Variants in BCAR1 observed in about 807,000 individuals in gnomAD.
BCAR1 encodes the protein breast cancer anti-estrogen resistance protein 1.
In BCAR1, 30 loss-of-function variants were observed where a neutral mutation model predicts 67.6. The ratio of observed to expected loss-of-function variants is 0.44; its 90% CI spans 0.33 to 0.60. The LOEUF is 0.60. Ranked by LOEUF, BCAR1 falls within the 20% of genes least tolerant of loss-of-function variation. The pLI is 0.02. For missense variants in BCAR1, 1,313 were observed against 1,222.3 expected (o/e 1.07, Z -1.11); for synonymous variants, 626 against 556.7 (o/e 1.12, Z -1.75).
intron 1 of BCAR1, chr16:75,265,348 G>A (rs2151486548): frequency 6.6e-6 from 1 of 152,472 alleles, no homozygotes; most frequent in African/African-American, 2.4e-5. Context: ...AGCGCCGCAG[G>A]GCAGCAATCC....
Position 75,235,316 on chromosome 16 carries a change from T to C in BCAR1, c.1583A>G (p.Asn528Ser), listed in dbSNP as rs776022939. ...GGCACGGTCAGATGTGTGGGCAGCATTGCCCACCGCGCTGCGGGCAAACTC... is the reference window on the plus strand; with the variant it reads ...GGCACGGTCAGATGTGTGGGCAGCACTGCCCACCGCGCTGCGGGCAAACTC... ...LLEFARSAVG[N>S]AAHTSDRALH... The change falls in exon 5 of 7, where the codon AAT becomes AGT. Residue 528 changes from asparagine (N) to serine (S), a missense_variant. This residue lies in a region of BCAR1 where 1,272 missense variants were observed against 1,137.5 expected (regional missense o/e 1.12). Coordinates refer to ENST00000162330, the MANE Select transcript of BCAR1 (RefSeq NM_014567.5). The C allele has an allele frequency of 9.5e-5, 152 of 1,603,562 alleles. No individual in the cohort carries two copies. Among genetic ancestry groups the C allele is most frequent in the Admixed American group, 9.4e-4 (56 of 59,850 alleles).
chr16:75,239,889 G>T (rs2077278234), intron 2 of BCAR1, among the ~76,000 whole-genome samples: 1 of 152,206 alleles, frequency 6.6e-6, no homozygotes, highest in South Asian at 2.1e-4. Flanking sequence ...AGGACCACGT[G>T]CACGCCTGAC....
chr16:75,237,142 T>C (rs2077169676), intron 3 of BCAR1, 41 bp downstream of exon 3: 2 of 1,492,760 alleles, frequency 1.3e-6, no homozygotes, highest in South Asian at 1.4e-5. Flanking sequence ...AGGCACAGAC[T>C]TGCCGCCCTG....
Position 75,229,477 on chromosome 16 carries a change from C to A in BCAR1, c.*34G>T, listed in dbSNP as rs747667974. The stretch of plus-strand genomic sequence containing the variant: ...GAGCCAGGGAGCTGGGACCGCCGCA[C>A]CCCTCCCCTGCCTCCCTCCTGGGGT... On this transcript the variant is annotated 3_prime_UTR_variant, in exon 7 of 7. Transcript: ENST00000162330. 6 of 1,496,686 alleles carry A rather than the reference C, an allele frequency of 4.0e-6. No individual in the cohort carries two copies. The highest frequency in any genetic ancestry group is 4.8e-5 in the East Asian group (2 of 41,274). The allele number at this position is 1,496,686 out of a possible 1,614,324, so 92.7% of individuals were successfully genotyped here.
At position 75,229,241 on chromosome 16, in the gene BCAR1, C is replaced by G; in HGVS notation, c.*270G>C. On this transcript the variant is annotated 3_prime_UTR_variant, in exon 7 of 7. Coordinates refer to ENST00000162330, the MANE Select transcript of BCAR1 (RefSeq NM_014567.5). Reference sequence around the variant, plus strand: ...TCCTGCAGGCTGCAGGACCCTCACACTCCAGCCCCGTCTGGTGACCCAACC... The same window carrying G: ...TCCTGCAGGCTGCAGGACCCTCACAGTCCAGCCCCGTCTGGTGACCCAACC... 1 of 469,150 alleles carries G rather than the reference C, an allele frequency of 2.1e-6. No homozygotes were observed. The highest frequency in any genetic ancestry group is 3.8e-5 in the Admixed American group (1 of 25,986). 29.1% of individuals were successfully genotyped at this position (469,150 alleles called of 1,614,324 possible).
chr16:75,265,321 C>G (rs1045161137), intron 1 of BCAR1: 1 of 152,418 alleles, frequency 6.6e-6, no homozygotes, highest in East Asian at 1.9e-4. Context: ...ACCTGGCCAC[C>G]CCGGGGGAGT....
At chr16:75,239,904 C>T (rs971020259) in intron 2 of BCAR1, among the ~76,000 whole-genome samples, 4 of 152,220 alleles carry the variant, frequency 2.6e-5, no homozygotes, top group South Asian at 2.1e-4. Context: ...CCTGACCTCA[C>T]GCCATGGCTG....
rs771938683 is a variant in BCAR1 at position 75,242,752 on chromosome 16, C to T, written c.351G>A (p.Val117=). 1.8e-5 allele frequency: 28 copies of T among 1,591,106 alleles called. No individual in the cohort carries two copies. In the East Asian group the frequency reaches 6.0e-4, roughly 34 times the overall value. The part of the protein sequence containing the change: ...YQPQPDSVYL[V]PTPSKAQQGL... ...CTTGCTGAGCCTTGCTGGGAGTGGG[C>T]ACCAGGTAGACGCTGTCTGGCTGGG... The change falls in exon 2 of 7, where the codon GTG becomes GTA. Residue 117 remains valine (V), a synonymous_variant. Transcript: ENST00000162330.
Position 75,251,491 on chromosome 16 carries a change from GC to G in BCAR1, c.-10del. 7.2e-7 allele frequency: 1 copy of G among 1,391,672 alleles called. No homozygotes were observed. Among genetic ancestry groups the G allele is most frequent in the Non-Finnish European group, 9.4e-7 (1 of 1,069,080 alleles). The allele number at this position is 1,391,672 out of a possible 1,614,324, so 86.2% of individuals were successfully genotyped here. Reference sequence around the variant, plus strand: ...CTCACCAGGTGGTTCATGGTGTCCGGCGGGCCTGGGGCCCCGGCTCTCGCGG... The same window carrying G: ...CTCACCAGGTGGTTCATGGTGTCCGGGGGCCTGGGGCCCCGGCTCTCGCGG... On this transcript the variant is annotated 5_prime_UTR_variant, in exon 1 of 7. Coordinates refer to ENST00000162330, the MANE Select transcript of BCAR1 (RefSeq NM_014567.5).
At chr16:75,253,729 TG>T (rs1302785988), upstream of BCAR1, among the ~76,000 whole-genome samples, 3 of 152,288 alleles carry the variant, frequency 2.0e-5, no homozygotes, top group African/African-American at 7.2e-5. Flanking sequence ...ACAGTGTTGA[TG>T]GGGATGTAGC....
chr16:75,237,463 G>C (rs528853457), intron 2 of BCAR1, 119 bp from the exon 3 acceptor site: 12 of 1,252,710 alleles, frequency 9.6e-6, no homozygotes, highest in Non-Finnish European at 1.2e-5. Context: ...TGGAAGGGAC[G>C]GGGCTCCCCA....
chr16:75,247,992 C>G, intron 1 of BCAR1: 1 of 995,796 alleles, frequency 1.0e-6, no homozygotes, highest in South Asian at 1.3e-5. Context: ...GGAGGCAGAG[C>G]TCTTTCCCAC....
intron 6 of BCAR1, among the ~76,000 whole-genome samples, chr16:75,231,530 G>A (rs1184531106): frequency 6.6e-6 from 1 of 152,230 alleles, no homozygotes; most frequent in African/African-American, 2.4e-5. Flanking sequence ...GGCAACAGAT[G>A]TTCTCATCAG....
chr16:75,258,742 G>A (rs568916749), intron 1 of BCAR1, among the ~76,000 whole-genome samples: 1 of 152,370 alleles, frequency 6.6e-6, no homozygotes, highest in East Asian at 1.9e-4. Flanking sequence ...TGAAGAGCCA[G>A]TGTGGCCGCA....
At chr16:75,249,167 G>C (rs60879082) in intron 1 of BCAR1, 1 of 152,234 alleles carries the variant, frequency 6.6e-6, no homozygotes, top group East Asian at 1.9e-4. Context: ...TCACTCAAGC[G>C]GACCTGCTGG....
intron 2 of BCAR1, chr16:75,239,029 C>G (rs2077241961): frequency 2.0e-6 from 2 of 985,296 alleles, no homozygotes; most frequent in South Asian, 4.7e-5. Context: ...GGACCCAGGC[C>G]TGCCTCCCCA....
intron 1 of BCAR1, among the ~76,000 whole-genome samples, chr16:75,243,792 G>A (rs62061223): frequency 0.046 from 6,932 of 152,294 alleles, 238 homozygotes; most frequent in Non-Finnish European, 0.068. Context: ...GTGCCGTGGC[G>A]AGGGCAGGGG....
In BCAR1 at chr16:75,235,356, C is replaced by T. The variant is rs746131932; in HGVS notation, c.1543G>A (p.Val515Ile). ...QAAVAAVQSA[V>I]HELLEFARSA... ...CGGGCAAACTCCAACAGCTCGTGGACGGCACTCTGGACAGCGGCCACAGCA... is the reference window on the plus strand; with the variant it reads ...CGGGCAAACTCCAACAGCTCGTGGATGGCACTCTGGACAGCGGCCACAGCA... The change falls in exon 5 of 7, where the codon GTC (valine) becomes ATC (isoleucine). Residue 515 changes from valine (V) to isoleucine (I), a missense_variant. Val to Ile is a conservative substitution (Grantham distance 29, BLOSUM62 3). Around this residue, in one of 2 missense-constraint regions of BCAR1, gnomAD observed 1,272 missense variants for 1,137.5 expected, o/e 1.12. Coordinates refer to ENST00000162330, the MANE Select transcript of BCAR1 (RefSeq NM_014567.5). 36 of 1,602,102 alleles carry T rather than the reference C, an allele frequency of 2.2e-5. No homozygotes were observed. The highest frequency in any genetic ancestry group is 8.4e-5 in the Admixed American group (5 of 59,838).
Position 75,235,272 on chromosome 16 carries a change from G to T in BCAR1, c.1627C>A (p.Arg543=), listed in dbSNP as rs202245106. The change falls in exon 5 of 7, where the codon CGG becomes AGG. Residue 543 remains arginine, a synonymous_variant. Transcript: ENST00000162330. ...ACGTCCTCCATCTTCTGCAGCTGCC[G>T]GCTAAGCTTGGCATGCAGGGCACGG... ...SDRALHAKLS[R]QLQKMEDVHQ... 1.2e-6 allele frequency: 2 copies of T among 1,606,144 alleles called. No individual in the cohort carries two copies. The highest frequency in any genetic ancestry group is 1.1e-5 in the South Asian group (1 of 90,998).
Sources: allele counts gnomAD v4.1 joint callset (sites outside exome capture counted in the v4.1 genomes callset), GRCh38; gene constraint gnomAD v4.1.1; regional missense constraint gnomAD v4.1.1; transcripts MANE v1.5; gene names NCBI Gene and HGNC (gene_info 2026-07-23, HGNC 2026-07-21).